RFX7: variants seen among roughly 807,000 people sequenced by gnomAD.
RFX7 encodes the protein DNA-binding protein RFX7.
In RFX7, 26 loss-of-function variants were observed where a neutral mutation model predicts 111.8. That is an observed-to-expected ratio of 0.23 (90% CI 0.17 to 0.32). RFX7 has a LOEUF of 0.32. Among genes scored for constraint, RFX7 ranks in the 10% least tolerant of loss-of-function variants. RFX7 has a pLI of 1.00. For missense variants in RFX7, 1,573 were observed against 1,772.9 expected, an observed-to-expected ratio of 0.89 and a Z score of 2.02; for synonymous variants, 624 against 624.4, an observed-to-expected ratio of 1.00 and a Z score of 0.01.
chr15:56,108,500 T>C (rs753767803), intron 5 of RFX7, among the ~76,000 whole-genome samples: 7 of 152,074 alleles, frequency 4.6e-5, no homozygotes, highest in Non-Finnish European at 8.8e-5. Flanking sequence ...AAATGCAATA[T>C]CCCTTTATGT....
chr15:56,238,505 T>A (rs746856084), intron 2 of RFX7, among the ~76,000 whole-genome samples: 5 of 152,204 alleles, frequency 3.3e-5, no homozygotes, highest in Non-Finnish European at 7.3e-5. Context: ...TTCCAGGGTC[T>A]AATAAGGAAT....
chr15:56,235,324 G>A (rs992599174), intron 2 of RFX7, among the ~76,000 whole-genome samples: 2 of 151,958 alleles, frequency 1.3e-5, no homozygotes, highest in East Asian at 1.9e-4. Flanking sequence ...TACAGGCCCC[G>A]CCACTGTGAC....
chr15:56,222,813 A>AT (rs1567051872), intron 2 of RFX7, among the ~76,000 whole-genome samples: 2 of 151,636 alleles, frequency 1.3e-5, no homozygotes, highest in Admixed American at 6.6e-5. Flanking sequence ...GTCTATTTCT[A>AT]TTTTTTTCCC....
chr15:56,114,219 C>A (rs557289102), intron 5 of RFX7, among the ~76,000 whole-genome samples: 7 of 151,942 alleles, frequency 4.6e-5, no homozygotes, highest in African/African-American at 1.4e-4. Flanking sequence ...GCCTGGGCAA[C>A]CTGGTGAAAC....
At position 56,212,423 on chromosome 15, in the gene RFX7, T is replaced by C. The variant is rs2043321995; in HGVS notation, c.161+30702A>G. 3.9e-5 allele frequency among the ~76,000 whole-genome samples: 6 copies of C among 152,182 alleles called. No individual in the cohort carries two copies. The South Asian group carries it at 1.0e-3, about 26-fold the overall frequency. Reference sequence around the variant, plus strand: ...AAGCCTACTCTTTATGATACTTTAATGGTGGATACATGTCATTATATATCT... The same window carrying C: ...AAGCCTACTCTTTATGATACTTTAACGGTGGATACATGTCATTATATATCT... On this transcript the variant is annotated intron_variant, in intron 2 of 9. Coordinates refer to ENST00000559447, the MANE Select transcript of RFX7 (RefSeq NM_022841.7).
At chr15:56,211,075 G>C (rs2043308400) in intron 2 of RFX7, among the ~76,000 whole-genome samples, 1 of 151,864 alleles carries the variant, frequency 6.6e-6, no homozygotes, top group South Asian at 2.1e-4. Flanking sequence ...TGCAAAATCA[G>C]AAAAGAAATA....
intron 5 of RFX7, among the ~76,000 whole-genome samples, chr15:56,112,007 C>G (rs1401030791): frequency 1.3e-5 from 2 of 151,528 alleles, no homozygotes; most frequent in African/African-American, 4.9e-5. Context: ...CCCAGCTACT[C>G]GGGAGGCTGA....
intron 3 of RFX7, among the ~76,000 whole-genome samples, chr15:56,148,080 G>A (rs2042509146): frequency 6.6e-6 from 1 of 152,192 alleles, no homozygotes; most frequent in African/African-American, 2.4e-5. Flanking sequence ...TGAGGTAGCT[G>A]ATAATTTCAT....
chr15:56,244,418 C>T (rs1209447058), upstream of RFX7: 1 of 152,174 alleles, frequency 6.6e-6, no homozygotes, highest in African/African-American at 2.4e-5. Context: ...GCATTCAAAG[C>T]CCTCCAAATC....
chr15:56,166,069 A>AT (rs2141097716), intron 3 of RFX7, among the ~76,000 whole-genome samples: 1 of 152,114 alleles, frequency 6.6e-6, no homozygotes, highest in African/African-American at 2.4e-5. Context: ...TGCCCAGCTG[A>AT]TTTTTTATTT....
At chr15:56,185,749 G>C (rs572510926) in intron 2 of RFX7, among the ~76,000 whole-genome samples, 1 of 152,166 alleles carries the variant, frequency 6.6e-6, no homozygotes, top group South Asian at 2.1e-4. Context: ...TACTACTGAT[G>C]AGAAGTTTGT....
At chr15:56,208,320 T>C (rs555644058) in intron 2 of RFX7, among the ~76,000 whole-genome samples, 1 of 152,268 alleles carries the variant, frequency 6.6e-6, no homozygotes, top group East Asian at 1.9e-4. Flanking sequence ...AGCCATCCTG[T>C]TCCAAGTAAG....
At position 56,087,835 on chromosome 15, in the gene RFX7, G is replaced by T; in HGVS notation, c.*5510C>A. ...ACATATTTTAGGCACTTTATCATCT[G>T]TTAAAAAAAAAGTCCCATTTTTATT... On this transcript the variant is annotated 3_prime_UTR_variant, in exon 10 of 10. Transcript: ENST00000559447. 1 of 278,900 alleles carries T rather than the reference G, an allele frequency of 3.6e-6. No homozygotes were observed. The highest frequency in any genetic ancestry group is 7.1e-6 in the Non-Finnish European group (1 of 140,330). The allele number at this position is 278,900 out of a possible 1,614,324, so 17.3% of individuals were successfully genotyped here. A position where few individuals can be genotyped will look rare whatever the true frequency, so the allele number is the denominator to read the frequency against.
At chr15:56,200,663 G>A (rs1245662903) in intron 2 of RFX7, among the ~76,000 whole-genome samples, 1 of 151,970 alleles carries the variant, frequency 6.6e-6, no homozygotes, top group Non-Finnish European at 1.5e-5. Context: ...GCTGGGTGTG[G>A]TGGTGCATGC....
At position 56,088,342 on chromosome 15, in the gene RFX7, T is replaced by C. The variant is rs1267142857; in HGVS notation, c.*5003A>G. On this transcript the variant is annotated 3_prime_UTR_variant, in exon 10 of 10. Transcript: ENST00000559447. Reference sequence around the variant, plus strand: ...TAAAATTTTCTCACCTGAAAAATAATACTCGCTAAAAATTGTTACAATGAG... The same window carrying C: ...TAAAATTTTCTCACCTGAAAAATAACACTCGCTAAAAATTGTTACAATGAG... 6.5e-6 allele frequency: 1 copy of C among 152,932 alleles called. No homozygotes were observed. The highest frequency in any genetic ancestry group is 1.5e-5 in the Non-Finnish European group (1 of 68,618). The allele number at this position is 152,932 out of a possible 1,614,324, so 9.5% of individuals were successfully genotyped here.
At chr15:56,111,528 T>C (rs1439197407) in intron 5 of RFX7, among the ~76,000 whole-genome samples, 3 of 151,530 alleles carry the variant, frequency 2.0e-5, no homozygotes, top group African/African-American at 2.4e-5. Context: ...CGCAGGGTCC[T>C]CTGCCTAGGA....
chr15:56,219,285 G>C (rs1259970881), intron 2 of RFX7, among the ~76,000 whole-genome samples: 3 of 152,022 alleles, frequency 2.0e-5, no homozygotes, highest in Non-Finnish European at 2.9e-5. Flanking sequence ...ATTTTGTCTG[G>C]TATTAATAGA....
At chr15:56,138,120 G>T (rs1341326136) in intron 5 of RFX7, among the ~76,000 whole-genome samples, 2 of 139,312 alleles carry the variant, frequency 1.4e-5, no homozygotes, top group African/African-American at 5.4e-5. Context: ...TTCTGTAGAT[G>T]TCTATTAGGT....
intron 5 of RFX7, among the ~76,000 whole-genome samples, chr15:56,109,345 G>C (rs1248347040): frequency 2.0e-5 from 3 of 152,278 alleles, no homozygotes; most frequent in Non-Finnish European, 4.4e-5. Flanking sequence ...CCTTCACTCA[G>C]TGCTCATTGG....
Sources: gnomAD v4.1 joint callset for allele counts (sites outside exome capture counted in the v4.1 genomes callset) on GRCh38, gnomAD v4.1.1 for gene constraint, MANE v1.5 for transcripts, NCBI Gene and HGNC (gene_info 2026-07-23, HGNC 2026-07-21) for gene names.